The following NAALADL2 variants were observed in gnomAD, a reference collection of about 807,000 sequenced individuals.
NAALADL2 encodes the protein N-acetylated alpha-linked acidic dipeptidase like 2.
A neutral mutation model predicts 87.2 loss-of-function variants in NAALADL2; 76 were observed. That is an observed-to-expected ratio of 0.87 (90% CI 0.72 to 1.05). NAALADL2 has a LOEUF of 1.05. NAALADL2 is among the 50% of genes least tolerant of loss of function. The pLI, the probability that NAALADL2 is intolerant of heterozygous loss-of-function variation, is 0.00. For synonymous variants in NAALADL2, 354 were observed against 331.0 expected, an observed-to-expected ratio of 1.07 and a Z score of -0.75; for missense variants, 1,089 against 945.8, an observed-to-expected ratio of 1.15 and a Z score of -1.99.
chr3:175,286,581 C>T (rs1256734717), intron 4 of NAALADL2, among the ~76,000 whole-genome samples: 1 of 152,134 alleles, frequency 6.6e-6, no homozygotes, highest in East Asian at 1.9e-4. Context: ...AGAACTACCT[C>T]TATAATACCT....
At chr3:175,325,140 C>A (rs946603304) in intron 5 of NAALADL2, among the ~76,000 whole-genome samples, 1 of 143,500 alleles carries the variant, frequency 7.0e-6, no homozygotes, top group East Asian at 2.3e-4. Context: ...TGTGTTCTGC[C>A]AAATTTTTTT....
intron 2 of NAALADL2, among the ~76,000 whole-genome samples, chr3:174,729,428 C>A (rs970750987): frequency 6.6e-6 from 1 of 151,952 alleles, no homozygotes; most frequent in Admixed American, 6.6e-5. Context: ...CAAGGCCAGA[C>A]TTTGAGTCCA....
At chr3:174,510,678 G>T (rs1173915835) in intron 1 of NAALADL2, among the ~76,000 whole-genome samples, 1 of 151,328 alleles carries the variant, frequency 6.6e-6, no homozygotes, top group Non-Finnish European at 1.5e-5. Context: ...TGTATTGTTT[G>T]TCCATTTTCT....
intron 3 of NAALADL2, chr3:175,235,078 C>CA (rs1745610082): frequency 7.0e-6 from 1 of 142,132 alleles, no homozygotes. Flanking sequence ...TTTTTTTTTC[C>CA]ATCAAACTGT....
At chr3:174,946,043 C>CAAA (rs57964168) in intron 1 of NAALADL2, among the ~76,000 whole-genome samples, 887 of 50,250 alleles carry the variant, frequency 0.018, 20 homozygotes, top group South Asian at 0.031. Flanking sequence ...GACTCTGCCT[C>CAAA]AAAAAAAAAA....
chr3:175,498,312 T>C (rs1435552076), intron 9 of NAALADL2, among the ~76,000 whole-genome samples: 1 of 152,080 alleles, frequency 6.6e-6, no homozygotes, highest in African/African-American at 2.4e-5. Flanking sequence ...AATACCAATT[T>C]GTACTCTTCA....
chr3:175,393,816 A>C (rs1162585147), intron 5 of NAALADL2, among the ~76,000 whole-genome samples: 9 of 152,220 alleles, frequency 5.9e-5, no homozygotes, highest in African/African-American at 2.2e-4. Flanking sequence ...CACACTATCC[A>C]TACCCAAATT....
intron 13 of NAALADL2, among the ~76,000 whole-genome samples, chr3:175,792,916 C>T (rs1156426388): frequency 6.6e-6 from 1 of 152,182 alleles, no homozygotes; most frequent in East Asian, 1.9e-4. Flanking sequence ...ATAACCCATA[C>T]TTTTCAAAAG....
At chr3:175,630,965 A>G (rs1297319372) in intron 11 of NAALADL2, among the ~76,000 whole-genome samples, 1 of 151,452 alleles carries the variant, frequency 6.6e-6, no homozygotes, top group Non-Finnish European at 1.5e-5. Flanking sequence ...TGAAGATACT[A>G]TTTTTTATTT....
chr3:175,589,016 T>C (rs1424199047), intron 10 of NAALADL2, among the ~76,000 whole-genome samples: 1 of 152,164 alleles, frequency 6.6e-6, no homozygotes. Context: ...CATACCAAAA[T>C]ATTTTAGGCA....
At chr3:174,815,470 G>A (rs184122545) in intron 3 of NAALADL2, among the ~76,000 whole-genome samples, 1 of 152,120 alleles carries the variant, frequency 6.6e-6, no homozygotes, top group Non-Finnish European at 1.5e-5. Context: ...TCTCACCCAG[G>A]CTGGAGTGCA....
At chr3:175,460,255 T>C in intron 6 of NAALADL2, 2 of 451,078 alleles carry the variant, frequency 4.4e-6, no homozygotes, top group East Asian at 7.0e-5. Context: ...GTGCTGACTC[T>C]AGTGAAAATA....
intron 1 of NAALADL2, among the ~76,000 whole-genome samples, chr3:174,503,421 A>T (rs921394396): frequency 6.6e-6 from 1 of 152,158 alleles, no homozygotes; most frequent in Non-Finnish European, 1.5e-5. Context: ...AAATTTTTTT[A>T]AAAAAGGAGT....
At chr3:174,450,093 A>G (rs557577911) in intron 1 of NAALADL2, among the ~76,000 whole-genome samples, 2 of 152,068 alleles carry the variant, frequency 1.3e-5, no homozygotes, top group Non-Finnish European at 2.9e-5. Context: ...TGAGTACATA[A>G]CAAGGCAAGG....
At chr3:175,062,476 CTGTG>C (rs71792051) in intron 1 of NAALADL2, among the ~76,000 whole-genome samples, 16,267 of 131,256 alleles carry the variant, frequency 0.12, 864 homozygotes, top group African/African-American at 0.14. Context: ...GGAAGTTTGG[CTGTG>C]TGTGTGTGTG....
At chr3:175,354,959 A>G (rs1764187260) in intron 5 of NAALADL2, among the ~76,000 whole-genome samples, 2 of 149,946 alleles carry the variant, frequency 1.3e-5, no homozygotes, top group Non-Finnish European at 3.0e-5. Flanking sequence ...GTGTATGTGT[A>G]TATATAATTT....
rs1027675673 is a variant in NAALADL2, at chr3:175,137,199, A to G, written c.545+39908A>G. Among the ~76,000 whole-genome samples the G allele has an allele frequency of 7.2e-5, 11 of 152,322 alleles. No homozygotes were observed. The East Asian group carries it at 2.1e-3, about 29-fold the overall frequency. On this transcript the variant is annotated intron_variant, in intron 2 of 13. Transcript: ENST00000454872. ...TGGAAAAATTGAAAAATGCATAAAT[A>G]TAGAAAAAAAGGTTACCTTCATTAG...
chr3:175,706,118 A>C (rs1300809176), intron 11 of NAALADL2, among the ~76,000 whole-genome samples: 4 of 152,144 alleles, frequency 2.6e-5, no homozygotes, highest in Non-Finnish European at 1.5e-5. Flanking sequence ...ACAAGGAGTG[A>C]ATGGGAAGAG....
intron 2 of NAALADL2, among the ~76,000 whole-genome samples, chr3:175,209,801 A>G (rs1265024992): frequency 6.6e-6 from 1 of 151,818 alleles, no homozygotes. Flanking sequence ...GACCTTGAGA[A>G]CCTATAAATA....
Sources: allele counts gnomAD v4.1 joint callset (sites outside exome capture counted in the v4.1 genomes callset), GRCh38; gene constraint gnomAD v4.1.1; transcripts MANE v1.5; gene names NCBI Gene and HGNC (gene_info 2026-07-23, HGNC 2026-07-21).